Variants in SAR1A observed in about 807,000 individuals in gnomAD.
SAR1A encodes small COPII coat GTPase SAR1A.
SAR1A carries 6 observed loss-of-function variants against 22.6 expected under a neutral mutation model. That is an observed-to-expected ratio of 0.27 (90% CI 0.15 to 0.52). The LOEUF (loss-of-function observed/expected upper bound fraction) is 0.52, where lower values mean the gene tolerates loss of function less well. Ranked by LOEUF, SAR1A falls within the 20% of genes least tolerant of loss-of-function variation. The probability of loss-of-function intolerance (pLI) is 0.96; values close to 1 mark genes in which losing one functional copy is unlikely to be tolerated. For missense variants in SAR1A, 145 were observed against 245.1 expected, an observed-to-expected ratio of 0.59 and a Z score of 2.73; for synonymous variants, 70 against 82.2, an observed-to-expected ratio of 0.85 and a Z score of 0.80.
At chr10:70,162,491 G>C (rs1301635787) in intron 1 of SAR1A, among the ~76,000 whole-genome samples, 13 of 131,058 alleles carry the variant, frequency 9.9e-5, no homozygotes, top group Non-Finnish European at 2.1e-4. Flanking sequence ...GGAGGGGGAG[G>C]GGAGGAGGGG....
At chr10:70,155,197 C>A in intron 5 of SAR1A, 1 of 466,418 alleles carries the variant, frequency 2.1e-6, no homozygotes, top group Non-Finnish European at 4.4e-6. Context: ...CAAATAGTAT[C>A]TATCTGTGGT....
At chr10:70,157,674 G>T in intron 5 of SAR1A, 90 bp downstream of exon 5, 1 of 799,560 alleles carries the variant, frequency 1.3e-6, no homozygotes, top group Non-Finnish European at 2.0e-6. Flanking sequence ...ACTAATTATT[G>T]GCACTACTGA....
intron 4 of SAR1A, among the ~76,000 whole-genome samples, chr10:70,158,638 A>G (rs1290796301): frequency 6.6e-6 from 1 of 152,138 alleles, no homozygotes; most frequent in African/African-American, 2.4e-5. Context: ...GTTACCTTTA[A>G]AGAGTGGAGC....
chr10:70,164,020 T>C, intron 1 of SAR1A: 2 of 897,364 alleles, frequency 2.2e-6, no homozygotes, highest in Admixed American at 3.4e-5. Context: ...ATGACAAACC[T>C]TGGAGTGAAG....
At position 70,157,762 on chromosome 10, in the gene SAR1A, A is replaced by G. The variant is rs1839412591; in HGVS notation, c.348+2T>C. ...AAATACACATTAAAGGACAAAACAT[A>G]CATTAAGCTCAACTTTGGATTCCAC... On this transcript the variant is annotated splice_donor_variant, in intron 5 of 6. Coordinates refer to ENST00000373241, the MANE Select transcript of SAR1A (RefSeq NM_020150.5). LOFTEE classifies it high-confidence loss of function. 1 of 1,606,392 alleles carries G rather than the reference A, an allele frequency of 6.2e-7. No homozygotes were observed. Among genetic ancestry groups the G allele is most frequent in the African/African-American group, 1.3e-5 (1 of 74,852 alleles).
Position 70,151,326 on chromosome 10 carries a change from A to C in SAR1A, c.*1150T>G, listed in dbSNP as rs1303505464. 2 of 148,700 alleles carry C rather than the reference A, an allele frequency of 1.3e-5. No homozygotes were observed. Among genetic ancestry groups the C allele is most frequent in the African/African-American group, 4.9e-5 (2 of 41,120 alleles). The allele number at this position is 148,700 out of a possible 1,614,324, so 9.2% of individuals were successfully genotyped here. A position where few individuals can be genotyped will look rare whatever the true frequency, so the allele number is the denominator to read the frequency against. ...ATGTTAACCTTTACTTTAAACACCA[A>C]TAAAATAGGTGTCAAAGGAGAAAAA... On this transcript the variant is annotated 3_prime_UTR_variant, in exon 7 of 7. Transcript: ENST00000373241.
chr10:70,155,323 A>C (rs555476029), intron 5 of SAR1A, among the ~76,000 whole-genome samples: 1 of 152,220 alleles, frequency 6.6e-6, no homozygotes, highest in Non-Finnish European at 1.5e-5. Context: ...AAAAAAATTT[A>C]AAAAAGACAA....
At chr10:70,159,714 A>C (rs1319981209) in intron 4 of SAR1A, among the ~76,000 whole-genome samples, 2 of 152,248 alleles carry the variant, frequency 1.3e-5, no homozygotes, top group Non-Finnish European at 2.9e-5. Flanking sequence ...ATAACAAGTA[A>C]GTAAATCTGA....
intron 1 of SAR1A, among the ~76,000 whole-genome samples, chr10:70,166,557 C>T (rs138978988): frequency 6.6e-6 from 1 of 152,270 alleles, no homozygotes; most frequent in Non-Finnish European, 1.5e-5. Flanking sequence ...ATCATTTTTG[C>T]AGACACGGGT....
In SAR1A at chr10:70,148,527, A is replaced by T; in HGVS notation, c.*3949T>A. 6.6e-6 allele frequency: 1 copy of T among 152,286 alleles called. No homozygotes were observed. The highest frequency in any genetic ancestry group is 1.9e-4 in the East Asian group (1 of 5,172). 9.4% of individuals were successfully genotyped at this position (152,286 alleles called of 1,614,324 possible). A position where few individuals can be genotyped will look rare whatever the true frequency, so the allele number is the denominator to read the frequency against. On this transcript the variant is annotated 3_prime_UTR_variant, in exon 7 of 7. Coordinates refer to ENST00000373241, the MANE Select transcript of SAR1A (RefSeq NM_020150.5). ...CTCTTGGTGGAGCACAGGGGCTCAC[A>T]CTTGGAATCCCAGCACGTTGGGAGG...
chr10:70,167,737 C>T (rs1839572048), intron 1 of SAR1A, among the ~76,000 whole-genome samples: 1 of 152,142 alleles, frequency 6.6e-6, no homozygotes, highest in Non-Finnish European at 1.5e-5. Flanking sequence ...ACGGCCCTTA[C>T]CAAAGACAGC....
rs143303687 is a variant in SAR1A at position 70,154,585 on chromosome 10, G to C, written c.349-616C>G. Among the ~76,000 whole-genome samples, 1,072 of 151,746 alleles carry C rather than the reference G, an allele frequency of 7.1e-3. 23 individuals are homozygous for C. The highest frequency in any genetic ancestry group is 0.025 in the African/African-American group (1,015 of 41,308). ...CGATTCTCCCACCTCAGCCTCCTGA[G>C]TAGCTGGGACTACAGGCATGTGCTA... On this transcript the variant is annotated intron_variant, in intron 5 of 6. Transcript: ENST00000373241.
At chr10:70,156,259 G>T (rs1839385317) in intron 5 of SAR1A, among the ~76,000 whole-genome samples, 1 of 152,146 alleles carries the variant, frequency 6.6e-6, no homozygotes, top group South Asian at 2.1e-4. Flanking sequence ...AAAGTACTCT[G>T]GAGAACACCA....
intron 4 of SAR1A, among the ~76,000 whole-genome samples, chr10:70,158,081 G>A (rs1839417889): frequency 1.3e-5 from 2 of 152,214 alleles, no homozygotes; most frequent in African/African-American, 4.8e-5. Flanking sequence ...GAAAATCAGA[G>A]TTTCCGCTTT....
chr10:70,161,572 C>T (rs1430586364), intron 3 of SAR1A, 47 bp downstream of exon 3: 1 of 1,607,992 alleles, frequency 6.2e-7, no homozygotes, highest in African/African-American at 1.3e-5. Context: ...CCACGCCTAA[C>T]ACTGACCTTT....
rs951490508 is a variant in SAR1A, at chr10:70,149,432, T to C, written c.*3044A>G. 12 of 152,294 alleles carry C rather than the reference T, an allele frequency of 7.9e-5. No individual in the cohort carries two copies. The highest frequency in any genetic ancestry group is 5.9e-4 in the Admixed American group (9 of 15,296). The allele number at this position is 152,294 out of a possible 1,614,324, so 9.4% of individuals were successfully genotyped here. A position where few individuals can be genotyped will look rare whatever the true frequency, so the allele number is the denominator to read the frequency against. The stretch of plus-strand genomic sequence containing the variant: ...ACCCATTGCACTGTTTCCCACTGTT[T>C]GTCCCAGTACTTTAGTTTTATGATC... On this transcript the variant is annotated 3_prime_UTR_variant, in exon 7 of 7. Coordinates refer to ENST00000373241, the MANE Select transcript of SAR1A (RefSeq NM_020150.5).
chr10:70,167,269 G>A (rs961536957), intron 1 of SAR1A, among the ~76,000 whole-genome samples: 24 of 151,998 alleles, frequency 1.6e-4, no homozygotes, highest in Admixed American at 3.3e-4. Context: ...TATCTCAGAT[G>A]CGGTGCAGAA....
intron 1 of SAR1A, among the ~76,000 whole-genome samples, chr10:70,169,609 A>T (rs1164019863): frequency 6.6e-6 from 1 of 152,212 alleles, no homozygotes; most frequent in Non-Finnish European, 1.5e-5. Flanking sequence ...TGTTATACAT[A>T]ATCAGGGCAA....
intron 1 of SAR1A, chr10:70,167,580 G>T (rs1433909345): frequency 6.6e-6 from 1 of 151,244 alleles, no homozygotes; most frequent in Non-Finnish European, 1.5e-5. Context: ...TTCAGCCTGG[G>T]TGACAGAGCA....
Sources: gnomAD v4.1 joint callset for allele counts (sites outside exome capture counted in the v4.1 genomes callset) on GRCh38, gnomAD v4.1.1 for gene constraint, MANE v1.5 for transcripts, NCBI Gene and HGNC (gene_info 2026-07-23, HGNC 2026-07-21) for gene names.